Variants in PDE1C observed in about 807,000 individuals in gnomAD.
PDE1C encodes phosphodiesterase 1C.
Under a neutral mutation model 93.1 loss-of-function variants are expected in PDE1C, and 62 were observed. The ratio of observed to expected loss-of-function variants is 0.67; its 90% CI spans 0.54 to 0.82. PDE1C has a LOEUF of 0.82. PDE1C is among the 40% of genes least tolerant of loss of function. The probability of loss-of-function intolerance (pLI) is 0.00; values close to 1 mark genes in which losing one functional copy is unlikely to be tolerated. For synonymous variants in PDE1C, 325 were observed against 310.1 expected (o/e 1.05, Z -0.50); for missense variants, 742 against 884.6 (o/e 0.84, Z 2.04).
chr7:31,737,512 T>C, the PDE1C span, among the ~76,000 whole-genome samples: 2 of 152,144 alleles, frequency 1.3e-5, no homozygotes, highest in South Asian at 4.2e-4. Flanking sequence ...TGTAGAAAAG[T>C]AAGTCCAGGC....
At chr7:32,239,565 C>T (rs1034103430) in intron 1 of PDE1C, among the ~76,000 whole-genome samples, 1 of 152,150 alleles carries the variant, frequency 6.6e-6, no homozygotes, top group African/African-American at 2.4e-5. Context: ...AAACAGGCAA[C>T]TCACAAAAGT....
intron 2 of PDE1C, among the ~76,000 whole-genome samples, chr7:32,192,622 C>T (rs1370405644): frequency 3.9e-5 from 6 of 151,952 alleles, no homozygotes; most frequent in African/African-American, 1.5e-4. Context: ...AGTAGATAGA[C>T]TCCTCACACT....
chr7:31,633,731 T>G, the PDE1C span, among the ~76,000 whole-genome samples: 1 of 152,204 alleles, frequency 6.6e-6, no homozygotes, highest in Non-Finnish European at 1.5e-5. Context: ...TGTCACAGAA[T>G]TTTGTACCAT....
chr7:32,147,320 G>GAAAGA (rs1800951655), intron 3 of PDE1C, among the ~76,000 whole-genome samples: 1 of 136,426 alleles, frequency 7.3e-6, no homozygotes, highest in African/African-American at 3.1e-5. Context: ...AAGAAAGAAA[G>GAAAGA]AAAGAAAGAA....
At chr7:32,267,432 G>A (rs752748484) in intron 1 of PDE1C, among the ~76,000 whole-genome samples, 2 of 152,120 alleles carry the variant, frequency 1.3e-5, no homozygotes, top group Non-Finnish European at 2.9e-5. Flanking sequence ...GCACGTCCAC[G>A]TAAGGAACAG....
At chr7:32,045,085 C>T (rs1792361554) in intron 2 of PDE1C, among the ~76,000 whole-genome samples, 1 of 147,626 alleles carries the variant, frequency 6.8e-6, no homozygotes, top group East Asian at 2.0e-4. Context: ...CCCCCACCGA[C>T]TCCTGCTGAT....
At position 32,001,588 on chromosome 7, in the gene PDE1C, C is replaced by A. The variant is rs1429084344; in HGVS notation, c.128+49966G>T. ...CATCACTGCAGACTTACTAAACCAA[C>A]ACCCACAGGAATGAATGACCTGACC... is the stretch of plus-strand genomic sequence containing the variant. On this transcript the variant is annotated intron_variant, in intron 2 of 17. Transcript: ENST00000396191. Among the ~76,000 whole-genome samples the A allele has an allele frequency of 2.0e-5, 3 of 152,152 alleles. No homozygotes were observed. The East Asian group carries it at 5.8e-4, about 29-fold the overall frequency.
chr7:32,144,862 T>C (rs1293700202), intron 3 of PDE1C, among the ~76,000 whole-genome samples: 1 of 152,120 alleles, frequency 6.6e-6, no homozygotes, highest in Non-Finnish European at 1.5e-5. Flanking sequence ...CTGGGTGTTG[T>C]TTGTGAATTT....
chr7:31,853,781 C>A (rs1350130898), intron 7 of PDE1C, among the ~76,000 whole-genome samples: 1 of 151,876 alleles, frequency 6.6e-6, no homozygotes, highest in Non-Finnish European at 1.5e-5. Context: ...GCAATCTTGG[C>A]TCACTGCAAC....
chr7:32,121,255 T>C (rs550224326), intron 3 of PDE1C, among the ~76,000 whole-genome samples: 23 of 152,008 alleles, frequency 1.5e-4, no homozygotes, highest in African/African-American at 5.3e-4. Flanking sequence ...TTACAATTGA[T>C]TGGAATACCT....
At chr7:32,130,195 G>A (rs1238316508) in intron 3 of PDE1C, among the ~76,000 whole-genome samples, 4 of 151,834 alleles carry the variant, frequency 2.6e-5, no homozygotes, top group African/African-American at 7.3e-5. Flanking sequence ...TATCCCTTTC[G>A]CATTCAAAAC....
intron 17 of PDE1C, among the ~76,000 whole-genome samples, chr7:31,774,933 T>A (rs1466693663): frequency 6.6e-6 from 1 of 152,204 alleles, no homozygotes; most frequent in African/African-American, 2.4e-5. Context: ...TTTTATAATC[T>A]TTCCTTGCCC....
At chr7:32,416,729 C>T (rs1785282875) in intron 1 of PDE1C, among the ~76,000 whole-genome samples, 1 of 152,042 alleles carries the variant, frequency 6.6e-6, no homozygotes, top group Non-Finnish European at 1.5e-5. Flanking sequence ...GGGCAAGGCT[C>T]AGGCTCAGGA....
chr7:32,387,410 C>T (rs867110821), intron 1 of PDE1C, among the ~76,000 whole-genome samples: 2 of 148,420 alleles, frequency 1.3e-5, no homozygotes, highest in South Asian at 2.2e-4. Context: ...AGACGGGGTC[C>T]TGGCCGGGCA....
intron 1 of PDE1C, among the ~76,000 whole-genome samples, chr7:32,346,387 A>G (rs1010632717): frequency 1.3e-5 from 2 of 152,194 alleles, no homozygotes; most frequent in African/African-American, 4.8e-5. Context: ...TGCAAAAGGG[A>G]AATACCTGGT....
intron 2 of PDE1C, among the ~76,000 whole-genome samples, chr7:31,925,570 G>A (rs1002131526): frequency 7.9e-5 from 12 of 152,078 alleles, no homozygotes; most frequent in Non-Finnish European, 4.4e-5. Flanking sequence ...TAATTACATC[G>A]AAATCTTTTG....
intron 1 of PDE1C, among the ~76,000 whole-genome samples, chr7:32,335,786 T>C (rs1783607540): frequency 6.6e-6 from 1 of 152,196 alleles, no homozygotes; most frequent in South Asian, 2.1e-4. Context: ...TGGAGTGCAG[T>C]GGTGCGATCA....
chr7:31,656,100 T>A, the PDE1C span: 1 of 879,344 alleles, frequency 1.1e-6, no homozygotes, highest in Non-Finnish European at 1.4e-6. Flanking sequence ...GCAGAAGTGA[T>A]CCTTATTTTT....
chr7:31,768,426 G>A (rs1420832260), intron 17 of PDE1C, among the ~76,000 whole-genome samples: 2 of 152,122 alleles, frequency 1.3e-5, no homozygotes, highest in African/African-American at 2.4e-5. Context: ...TCTGTGGGAC[G>A]GACCGCTGCA....
Sources: gnomAD v4.1 joint callset for allele counts (sites outside exome capture counted in the v4.1 genomes callset) on GRCh38, gnomAD v4.1.1 for gene constraint, MANE v1.5 for transcripts, NCBI Gene and HGNC (gene_info 2026-07-23, HGNC 2026-07-21) for gene names.